Variants in TTC28 observed in about 807,000 individuals in gnomAD.
TTC28 encodes the protein tetratricopeptide repeat domain 28.
A neutral mutation model predicts 198.0 loss-of-function variants in TTC28; 61 were observed. The ratio of observed to expected loss-of-function variants is 0.31; its 90% confidence interval spans 0.25 to 0.38. TTC28 has a LOEUF of 0.38. Among genes scored for constraint, TTC28 ranks in the 10% least tolerant of loss-of-function variants. The probability of loss-of-function intolerance (pLI) is 1.00; values close to 1 mark genes in which losing one functional copy is unlikely to be tolerated. For missense variants in TTC28, 2,678 were observed against 3,164.0 expected (o/e 0.85, Z 3.69); for synonymous variants, 1,171 against 1,297.8 (o/e 0.90, Z 2.10).
chr22:28,092,294 C>T (rs1941837485), intron 12 of TTC28, among the ~76,000 whole-genome samples: 1 of 152,076 alleles, frequency 6.6e-6, no homozygotes, highest in South Asian at 2.1e-4. Flanking sequence ...AGAGCTTGCC[C>T]TCAGTTCTGG....
chr22:27,992,434 A>C (rs13057353), intron 19 of TTC28, 153 bp downstream of exon 19: 36,942 of 767,222 alleles, frequency 0.048, 1,112 homozygotes, highest in South Asian at 0.055. Context: ...AGGCAGGGCT[A>C]TTCTCTTACT....
chr22:28,192,068 CCGGGTACTCCT>C (rs987060109), intron 5 of TTC28, among the ~76,000 whole-genome samples: 155 of 152,312 alleles, frequency 1.0e-3, no homozygotes, highest in African/African-American at 3.5e-3. Flanking sequence ...CCTCACACGG[CCGGGTACTCCT>C]CTGAGACAAA....
intron 2 of TTC28, among the ~76,000 whole-genome samples, chr22:28,441,752 T>C (rs2047625187): frequency 6.6e-6 from 1 of 152,072 alleles, no homozygotes; most frequent in Non-Finnish European, 1.5e-5. Context: ...TCAGTTTAGC[T>C]AGTTCAAGTA....
intron 5 of TTC28, among the ~76,000 whole-genome samples, chr22:28,254,526 A>C (rs1433736665): frequency 6.6e-6 from 1 of 151,860 alleles, no homozygotes; most frequent in African/African-American, 2.4e-5. Flanking sequence ...TAAGAGGCTG[A>C]AAAGAATTCC....
intron 12 of TTC28, among the ~76,000 whole-genome samples, chr22:28,080,850 G>A (rs1941323798): frequency 6.6e-6 from 1 of 151,990 alleles, no homozygotes; most frequent in Admixed American, 6.6e-5. Flanking sequence ...TCCATTTTGA[G>A]TCAATTTTTG....
chr22:28,556,052 A>C (rs570498980), intron 2 of TTC28, among the ~76,000 whole-genome samples: 72 of 141,778 alleles, frequency 5.1e-4, no homozygotes, highest in African/African-American at 1.7e-3. Flanking sequence ...TTGGTTTATT[A>C]AAAAAAAAAA....
At chr22:28,633,500 C>T (rs2051214505) in intron 1 of TTC28, among the ~76,000 whole-genome samples, 2 of 151,906 alleles carry the variant, frequency 1.3e-5, no homozygotes, top group Non-Finnish European at 2.9e-5. Flanking sequence ...GGGTGACACG[C>T]ACCTGTATTC....
intron 1 of TTC28, among the ~76,000 whole-genome samples, chr22:28,639,396 C>T (rs1366918174): frequency 6.6e-6 from 1 of 152,200 alleles, no homozygotes; most frequent in Non-Finnish European, 1.5e-5. Context: ...GCTATTCTTA[C>T]GCCTAGAGAG....
At chr22:28,368,481 A>C (rs184990206) in intron 2 of TTC28, among the ~76,000 whole-genome samples, 2 of 152,162 alleles carry the variant, frequency 1.3e-5, no homozygotes. Flanking sequence ...TCTAAGATGT[A>C]GAACATGACA....
At chr22:28,453,259 A>T (rs867222320) in intron 2 of TTC28, among the ~76,000 whole-genome samples, 1 of 152,318 alleles carries the variant, frequency 6.6e-6, no homozygotes, top group Middle Eastern at 3.4e-3. Flanking sequence ...GGCTAGCAAG[A>T]CACATTAGAT....
rs765364977 is a variant in TTC28, at chr22:28,005,785, C to A, written c.4219-4232G>T. Reference sequence around the variant, plus strand: ...CTCCTGCCCACACTCAGGGGGCTAGCGCTTGCCAGCAACTCCAGACTGGCT... The same window carrying A: ...CTCCTGCCCACACTCAGGGGGCTAGAGCTTGCCAGCAACTCCAGACTGGCT... On this transcript the variant is annotated intron_variant, in intron 14 of 22. Coordinates refer to ENST00000397906, the MANE Select transcript of TTC28 (RefSeq NM_001145418.2). The surrounding 1 kb of genome is among the most constrained non-coding windows in gnomAD (Gnocchi z 4.9). Among the ~76,000 whole-genome samples the A allele has an allele frequency of 6.6e-6, 1 of 152,196 alleles. No homozygotes were observed. The highest frequency in any genetic ancestry group is 1.5e-5 in the Non-Finnish European group (1 of 68,026).
chr22:28,407,815 T>C (rs1470221423), intron 2 of TTC28, among the ~76,000 whole-genome samples: 2 of 152,214 alleles, frequency 1.3e-5, no homozygotes, highest in Non-Finnish European at 2.9e-5. Flanking sequence ...GCCAACCACT[T>C]CTATTGGAAC....
Position 28,431,039 on chromosome 22 carries a change from C to T in TTC28, c.382-124396G>A, listed in dbSNP as rs537643211. Among the ~76,000 whole-genome samples, 462 of 152,216 alleles carry T rather than the reference C, an allele frequency of 3.0e-3. 4 individuals carry two copies. The highest frequency in any genetic ancestry group is 0.011 in the African/African-American group (442 of 41,540). On this transcript the variant is annotated intron_variant, in intron 2 of 22. Coordinates refer to ENST00000397906, the MANE Select transcript of TTC28 (RefSeq NM_001145418.2). The stretch of plus-strand genomic sequence containing the variant: ...TGAAGACTCTCTTGGTCCACTCATT[C>T]CTACCCCCAATTCCAAATACTTCTT...
intron 12 of TTC28, among the ~76,000 whole-genome samples, chr22:28,038,373 C>G (rs1939454389): frequency 6.6e-6 from 1 of 152,208 alleles, no homozygotes; most frequent in Non-Finnish European, 1.5e-5. Flanking sequence ...TACACATCTA[C>G]AACTATCTGA....
intron 6 of TTC28, among the ~76,000 whole-genome samples, chr22:28,154,648 G>A (rs1235741960): frequency 6.6e-6 from 1 of 152,004 alleles, no homozygotes; most frequent in Non-Finnish European, 1.5e-5. Context: ...GAGCCACCAC[G>A]CTCAGAAGAT....
At chr22:28,437,399 A>G (rs1209312960) in intron 2 of TTC28, among the ~76,000 whole-genome samples, 2 of 152,140 alleles carry the variant, frequency 1.3e-5, no homozygotes, top group African/African-American at 4.8e-5. Context: ...CTTTTAGAAT[A>G]TAAAAATACA....
intron 2 of TTC28, among the ~76,000 whole-genome samples, chr22:28,619,557 G>A (rs1011616706): frequency 1.4e-4 from 22 of 152,298 alleles, no homozygotes; most frequent in African/African-American, 5.1e-4. Flanking sequence ...AAGAAAAAAG[G>A]AAAAGGAGAG....
intron 5 of TTC28, among the ~76,000 whole-genome samples, chr22:28,272,675 T>C (rs990570894): frequency 6.6e-6 from 1 of 152,236 alleles, no homozygotes; most frequent in Non-Finnish European, 1.5e-5. Flanking sequence ...TAAAAATCCA[T>C]TTAAAGGCAC....
intron 4 of TTC28, 94 bp downstream of exon 4, chr22:28,297,486 G>C (rs367571273): frequency 1.4e-6 from 2 of 1,402,194 alleles, no homozygotes; most frequent in Non-Finnish European, 1.9e-6. Context: ...GCAACCAGGC[G>C]ATCACTTTTC....
Sources: gnomAD v4.1 joint callset for allele counts (sites outside exome capture counted in the v4.1 genomes callset) on GRCh38, gnomAD v4.1.1 for gene constraint, Gnocchi (gnomAD v3.1) non-coding constraint, MANE v1.5 for transcripts, NCBI Gene and HGNC (gene_info 2026-07-23, HGNC 2026-07-21) for gene names.